AMPH: variants seen among roughly 807,000 people sequenced by gnomAD.
The protein encoded by AMPH is amphiphysin, also known as amphiphysin (Stiff-Mann syndrome with breast cancer 128kD autoantigen).
A neutral mutation model predicts 99.1 loss-of-function variants in AMPH; 49 were observed. That is an observed-to-expected ratio of 0.49 (90% confidence interval 0.39 to 0.63). The LOEUF is 0.63. Ranked by LOEUF, AMPH falls within the 20% of genes least tolerant of loss-of-function variation. The pLI, the probability that AMPH is intolerant of heterozygous loss-of-function variation, is 0.00. For missense variants in AMPH, 759 were observed against 863.4 expected, an observed-to-expected ratio of 0.88 and a Z score of 1.52; for synonymous variants, 314 against 317.3, an observed-to-expected ratio of 0.99 and a Z score of 0.11.
rs114886820 is a variant in AMPH, at chr7:38,486,759, A to G, written c.396+4291T>C. ...CAAGTAGGATTCATTCCTGGGATGC[A>G]AGAATGGTTTAACATATGAGAATCA... On this transcript the variant is annotated intron_variant, in intron 5 of 20. Coordinates refer to ENST00000356264, the MANE Select transcript of AMPH (RefSeq NM_001635.4). Among the ~76,000 whole-genome samples the G allele has an allele frequency of 5.5e-3, 838 of 152,234 alleles. 13 individuals are homozygous for G. Among genetic ancestry groups the G allele is most frequent in the African/African-American group, 0.019 (792 of 41,548 alleles).
intron 1 of AMPH, among the ~76,000 whole-genome samples, chr7:38,610,684 A>C (rs1163929486): frequency 6.6e-6 from 1 of 152,168 alleles, no homozygotes; most frequent in Non-Finnish European, 1.5e-5. Flanking sequence ...GGGAGACTCC[A>C]TTGCCAAATA....
intron 17 of AMPH, among the ~76,000 whole-genome samples, chr7:38,402,701 C>T (rs1372656229): frequency 1.3e-5 from 2 of 152,152 alleles, no homozygotes; most frequent in Non-Finnish European, 1.5e-5. Flanking sequence ...GGGGTAGATG[C>T]GAGTTGTCTC....
chr7:38,394,220 G>T lies in AMPH; in HGVS notation c.1399-6C>A, dbSNP rs775314151. 6.2e-7 allele frequency: 1 copy of T among 1,613,988 alleles called. No individual in the cohort carries two copies. The highest frequency in any genetic ancestry group is 1.7e-5 in the Admixed American group (1 of 60,030). On this transcript the variant is annotated splice_region_variant and splice_polypyrimidine_tract_variant and intron_variant, in intron 17 of 20. Transcript: ENST00000356264. ...GCATCAGCTCCAGGTATGATCTGCAGGGCAGAAACCAGCAGGCCACGTCTG... is the reference window on the plus strand; with the variant it reads ...GCATCAGCTCCAGGTATGATCTGCATGGCAGAAACCAGCAGGCCACGTCTG...
rs1290020145 is a variant in AMPH, at chr7:38,571,071, T to G, written c.70-36060A>C. Among the ~76,000 whole-genome samples, 14 of 57,722 alleles carry G rather than the reference T, an allele frequency of 2.4e-4. 1 individual carries two copies. In the East Asian group the frequency reaches 4.8e-3, roughly 20 times the overall value. 37.9% of individuals were successfully genotyped at this position (57,722 alleles called of 152,430 possible). A position where few individuals can be genotyped will look rare whatever the true frequency, so the allele number is the denominator to read the frequency against. On this transcript the variant is annotated intron_variant, in intron 1 of 20. Coordinates refer to ENST00000356264, the MANE Select transcript of AMPH (RefSeq NM_001635.4). ...TATATATTCATATATTGAATATATATAGAATATATATATTCATATATTGAA... is the reference window on the plus strand; with the variant it reads ...TATATATTCATATATTGAATATATAGAGAATATATATATTCATATATTGAA...
intron 2 of AMPH, among the ~76,000 whole-genome samples, chr7:38,529,234 C>T (rs1189373423): frequency 6.6e-6 from 1 of 152,190 alleles, no homozygotes; most frequent in Non-Finnish European, 1.5e-5. Context: ...ACCACCAAAT[C>T]TTTATCCATA....
chr7:38,390,927 G>T (rs1029410996), intron 19 of AMPH, among the ~76,000 whole-genome samples: 5 of 146,130 alleles, frequency 3.4e-5, no homozygotes, highest in Non-Finnish European at 7.5e-5. Context: ...AGGTAGCAAG[G>T]TAGCAGTTAC....
chr7:38,416,258 G>A (rs1785383731), intron 17 of AMPH, among the ~76,000 whole-genome samples: 1 of 151,780 alleles, frequency 6.6e-6, no homozygotes, highest in Admixed American at 6.6e-5. Flanking sequence ...GGGTGTGGGA[G>A]GTATATGAAC....
At chr7:38,412,983 T>C (rs564620320) in intron 17 of AMPH, among the ~76,000 whole-genome samples, 16 of 152,312 alleles carry the variant, frequency 1.1e-4, no homozygotes, top group African/African-American at 3.1e-4. Flanking sequence ...ACTGGGTCCA[T>C]TGCCATTTCT....
chr7:38,598,642 A>G (rs1584289360), intron 1 of AMPH, among the ~76,000 whole-genome samples: 1 of 152,214 alleles, frequency 6.6e-6, no homozygotes, highest in Admixed American at 6.5e-5. Context: ...AAAATTTTCC[A>G]ATTTATAATT....
At chr7:38,479,296 AT>A (rs1788199769) in intron 5 of AMPH, among the ~76,000 whole-genome samples, 1 of 152,070 alleles carries the variant, frequency 6.6e-6, no homozygotes, top group South Asian at 2.1e-4. Flanking sequence ...GTACTGAAAA[AT>A]AAAAGTTAAA....
At chr7:38,517,401 C>T (rs1409464249) in intron 2 of AMPH, among the ~76,000 whole-genome samples, 1 of 152,202 alleles carries the variant, frequency 6.6e-6, no homozygotes, top group Non-Finnish European at 1.5e-5. Context: ...CTTCTCCCTT[C>T]ACTCTCTTCC....
At chr7:38,471,981 A>G (rs1787904243) in intron 7 of AMPH, among the ~76,000 whole-genome samples, 1 of 152,184 alleles carries the variant, frequency 6.6e-6, no homozygotes, top group Admixed American at 6.5e-5. Context: ...TACATTAAGC[A>G]AAAGCTGACA....
chr7:38,523,920 A>C (rs1790066332), intron 2 of AMPH, among the ~76,000 whole-genome samples: 1 of 107,782 alleles, frequency 9.3e-6, no homozygotes, highest in Admixed American at 1.1e-4. Flanking sequence ...TTACTTATTA[A>C]ATATTTATTA....
At chr7:38,425,022 T>C (rs1785732551) in intron 15 of AMPH, among the ~76,000 whole-genome samples, 1 of 152,224 alleles carries the variant, frequency 6.6e-6, no homozygotes, top group African/African-American at 2.4e-5. Flanking sequence ...ATACCCAAAC[T>C]AGCAGTCCAG....
chr7:38,544,524 G>A (rs898095100), intron 1 of AMPH, among the ~76,000 whole-genome samples: 13 of 152,226 alleles, frequency 8.5e-5, no homozygotes, highest in Non-Finnish European at 1.9e-4. Flanking sequence ...ATACGGCTGT[G>A]CCTTTTATCA....
chr7:38,422,452 A>G lies in AMPH; in HGVS notation c.1241T>C (p.Met414Thr), dbSNP rs774660949. 1.9e-6 allele frequency: 3 copies of G among 1,613,782 alleles called. No individual in the cohort carries two copies. Among genetic ancestry groups the G allele is most frequent in the Non-Finnish European group, 2.5e-6 (3 of 1,179,802 alleles). The change falls in exon 16 of 21, where the codon ATG (methionine) becomes ACG (threonine). Residue 414 changes from methionine to threonine, a missense_variant. By Grantham distance (81) the Met-to-Thr change is moderately conservative. Coordinates refer to ENST00000356264, the MANE Select transcript of AMPH (RefSeq NM_001635.4). ...TQPQDTSLFT[M>T]QTDQSMICNL... ...GCAGATCATACTCTGGTCTGTCTGC[A>G]TTGTGAATAATGAAGTATCCTGGGG...
chr7:38,610,234 CAAAAAAAAAAAAAAAAAAA>C (rs544036143), intron 1 of AMPH, among the ~76,000 whole-genome samples: 1 of 6,126 alleles, frequency 1.6e-4, no homozygotes, highest in African/African-American at 7.8e-4. Flanking sequence ...TAAGCTCTCT[CAAAAAAAAAAAAAAAAAAA>C]AAAAAAAAAA....
At chr7:38,619,589 G>A (rs528671324) in intron 1 of AMPH, among the ~76,000 whole-genome samples, 4 of 152,228 alleles carry the variant, frequency 2.6e-5, no homozygotes, top group Admixed American at 1.3e-4. Context: ...ATTCTCAAGC[G>A]TACATGGAAG....
chr7:38,428,653 T>C (rs1302309777), intron 14 of AMPH: 1 of 456,732 alleles, frequency 2.2e-6, no homozygotes, highest in South Asian at 1.5e-5. Flanking sequence ...TCTTCAATAT[T>C]AGATACAGAG....
Sources: allele counts gnomAD v4.1 joint callset (sites outside exome capture counted in the v4.1 genomes callset), GRCh38; gene constraint gnomAD v4.1.1; transcripts MANE v1.5; gene names NCBI Gene and HGNC (gene_info 2026-07-23, HGNC 2026-07-21).